Variants in EEIG2 observed in about 807,000 individuals in gnomAD.
EEIG2 encodes the protein EEIG family member 2, also known as family with sequence similarity 102 member B.
At chr1:108,602,147 A>C in the EEIG2 span, among the ~76,000 whole-genome samples, 7 of 152,334 alleles carry the variant, frequency 4.6e-5, no homozygotes, top group Admixed American at 6.5e-5. Flanking sequence ...GAAAGGTAAC[A>C]TTTGAAGAAG....
the EEIG2 span, among the ~76,000 whole-genome samples, chr1:108,565,817 C>T: frequency 9.2e-5 from 14 of 152,240 alleles, no homozygotes; most frequent in East Asian, 2.5e-3. Flanking sequence ...GTTCACTGCA[C>T]ATTGTGTATT....
chr1:108,564,872 G>T, the EEIG2 span, among the ~76,000 whole-genome samples: 1 of 151,982 alleles, frequency 6.6e-6, no homozygotes, highest in East Asian at 1.9e-4. Flanking sequence ...GCTTGAACCC[G>T]GGAGGCAGAG....
At chr1:108,635,297 C>T in the EEIG2 span, 13 of 958,890 alleles carry the variant, frequency 1.4e-5, no homozygotes, top group East Asian at 2.6e-5. Context: ...AAGGACCCAC[C>T]GCCATCCTGT....
chr1:108,596,177 T>G, the EEIG2 span, among the ~76,000 whole-genome samples: 6 of 139,642 alleles, frequency 4.3e-5, no homozygotes, highest in South Asian at 2.2e-4. Flanking sequence ...TCTTAGTGGG[T>G]TTTTTTTTTT....
At chr1:108,571,383 T>A in the EEIG2 span, among the ~76,000 whole-genome samples, 2 of 151,940 alleles carry the variant, frequency 1.3e-5, no homozygotes, top group African/African-American at 4.8e-5. Context: ...ATAAGAGGAG[T>A]GTTCTATGAA....
the EEIG2 span, among the ~76,000 whole-genome samples, chr1:108,574,005 A>G: frequency 6.6e-6 from 1 of 152,222 alleles, no homozygotes; most frequent in Non-Finnish European, 1.5e-5. Flanking sequence ...TAAACCAGCA[A>G]TTCTTCTGGA....
At chr1:108,566,578 C>G in the EEIG2 span, among the ~76,000 whole-genome samples, 2 of 152,150 alleles carry the variant, frequency 1.3e-5, no homozygotes, top group African/African-American at 2.4e-5. Context: ...ATTCTGTACT[C>G]TTATTGTCTT....
At chr1:108,623,681 T>A in the EEIG2 span, among the ~76,000 whole-genome samples, 7 of 151,808 alleles carry the variant, frequency 4.6e-5, no homozygotes, top group East Asian at 1.9e-4. Flanking sequence ...AAAAAAATAT[T>A]TTTTTTTTGA....
chr1:108,632,054 C>T, the EEIG2 span, among the ~76,000 whole-genome samples: 37 of 129,514 alleles, frequency 2.9e-4, no homozygotes, highest in Admixed American at 3.3e-3. Context: ...GTGGAGGCTG[C>T]GGTGAGCCAA....
the EEIG2 span, among the ~76,000 whole-genome samples, chr1:108,582,939 A>C: frequency 2.8e-4 from 42 of 151,794 alleles, no homozygotes; most frequent in Admixed American, 3.3e-4. Context: ...AGTCACATGA[A>C]GATGATTTTA....
the EEIG2 span, chr1:108,636,300 G>A: frequency 1.3e-5 from 2 of 152,106 alleles, no homozygotes; most frequent in Non-Finnish European, 2.9e-5. Context: ...CTTACATGAC[G>A]GTTTCCATGT....
At chr1:108,619,870 A>G in the EEIG2 span, among the ~76,000 whole-genome samples, 1 of 152,230 alleles carries the variant, frequency 6.6e-6, no homozygotes, top group Non-Finnish European at 1.5e-5. Flanking sequence ...AGGCTGGGTG[A>G]CAGAGCAAGA....
At chr1:108,589,358 C>T in the EEIG2 span, among the ~76,000 whole-genome samples, 1 of 152,150 alleles carries the variant, frequency 6.6e-6, no homozygotes. Flanking sequence ...CCCTAATTTT[C>T]TCCACTTTAT....
the EEIG2 span, among the ~76,000 whole-genome samples, chr1:108,603,106 G>A: frequency 1.2e-4 from 19 of 152,244 alleles, no homozygotes; most frequent in African/African-American, 2.6e-4. Context: ...CAAAACAGCC[G>A]CTTGAAGGCA....
At chr1:108,626,052 T>C in the EEIG2 span, 1 of 152,242 alleles carries the variant, frequency 6.6e-6, no homozygotes, top group Admixed American at 6.5e-5. Flanking sequence ...CTTGATGCTT[T>C]CTCTTCCCTT....
At chr1:108,621,726 C>A in the EEIG2 span, among the ~76,000 whole-genome samples, 1 of 152,104 alleles carries the variant, frequency 6.6e-6, no homozygotes, top group Non-Finnish European at 1.5e-5. Context: ...TTTAGACATG[C>A]AGGCATGAGT....
chr1:108,614,374 A>G, the EEIG2 span, among the ~76,000 whole-genome samples: 1 of 152,190 alleles, frequency 6.6e-6, no homozygotes, highest in African/African-American at 2.4e-5. Context: ...TACTAAAGCC[A>G]TGCTCACTGC....
the EEIG2 span, among the ~76,000 whole-genome samples, chr1:108,630,030 G>A: frequency 6.6e-6 from 1 of 152,190 alleles, no homozygotes; most frequent in African/African-American, 2.4e-5. Context: ...CCAAGCTGGA[G>A]TGCAGTGGTG....
At chr1:108,563,475 G>C in the EEIG2 span, among the ~76,000 whole-genome samples, 1 of 152,124 alleles carries the variant, frequency 6.6e-6, no homozygotes, top group African/African-American at 2.4e-5. Flanking sequence ...ACTTAGGATT[G>C]GTCTTGGAGA....
Sources: gnomAD v4.1 joint callset for allele counts (sites outside exome capture counted in the v4.1 genomes callset) on GRCh38, gnomAD v4.1.1 for gene constraint, MANE v1.5 for transcripts, NCBI Gene and HGNC (gene_info 2026-07-23, HGNC 2026-07-21) for gene names.